ANKRD26: variants seen among roughly 807,000 people sequenced by gnomAD.
ANKRD26 encodes the protein ankyrin repeat domain-containing protein 26.
Under a neutral mutation model 208.7 loss-of-function variants are expected in ANKRD26, and 141 were observed. The ratio of observed to expected loss-of-function variants is 0.68; its 90% CI spans 0.59 to 0.78. The LOEUF (loss-of-function observed/expected upper bound fraction) is 0.78, where lower values mean the gene tolerates loss of function less well. Among genes scored for constraint, ANKRD26 ranks in the 30% least tolerant of loss-of-function variants. The pLI is 0.00. For missense variants in ANKRD26, 1,889 were observed against 1,938.7 expected, an observed-to-expected ratio of 0.97 and a Z score of 0.48; for synonymous variants, 636 against 660.4, an observed-to-expected ratio of 0.96 and a Z score of 0.57.
chr10:27,097,125 T>C (rs1284937102), intron 1 of ANKRD26, among the ~76,000 whole-genome samples: 1 of 151,256 alleles, frequency 6.6e-6, no homozygotes, highest in Non-Finnish European at 1.5e-5. Flanking sequence ...GATGTTGCAT[T>C]GAGCCGAGAT....
intron 5 of ANKRD26, among the ~76,000 whole-genome samples, chr10:26,978,242 GGA>G (rs2052255485): frequency 6.6e-6 from 1 of 151,766 alleles, no homozygotes; most frequent in Admixed American, 6.6e-5. Flanking sequence ...CCTGACGTCA[GGA>G]GTGATCCACC....
intron 19 of ANKRD26, 61 bp downstream of exon 19, chr10:27,044,096 C>T: frequency 8.2e-7 from 1 of 1,220,466 alleles, no homozygotes; most frequent in Non-Finnish European, 1.1e-6. Context: ...GCCCAGCCCA[C>T]TTTATCTTTT....
At chr10:26,957,210 C>T in the ANKRD26 span, among the ~76,000 whole-genome samples, 2 of 152,068 alleles carry the variant, frequency 1.3e-5, no homozygotes, top group African/African-American at 4.8e-5. Context: ...GAGTTCAAGA[C>T]CAGCCTGGGC....
intron 22 of ANKRD26, 118 bp downstream of exon 22, chr10:27,037,753 T>A (rs746438244): frequency 3.6e-6 from 3 of 829,056 alleles, no homozygotes; most frequent in Non-Finnish European, 5.6e-6. Context: ...AGGTCACAGG[T>A]CAGCTTGAGA....
At chr10:27,010,625 A>G (rs1247631355) in intron 32 of ANKRD26, among the ~76,000 whole-genome samples, 6 of 152,096 alleles carry the variant, frequency 3.9e-5, no homozygotes, top group Non-Finnish European at 5.9e-5. Flanking sequence ...CCTCCCAAGA[A>G]GCTGGGACTA....
downstream of ANKRD26, among the ~76,000 whole-genome samples, chr10:26,987,774 TGA>T (rs1233561484): frequency 5.3e-5 from 8 of 152,240 alleles, no homozygotes; most frequent in East Asian, 1.5e-3. Context: ...TTAAGTATGA[TGA>T]GAGTTTAGAA....
At chr10:27,078,947 T>C in intron 7 of ANKRD26, 142 bp downstream of exon 7, 1 of 585,020 alleles carries the variant, frequency 1.7e-6, no homozygotes, top group Non-Finnish European at 3.0e-6. Flanking sequence ...ACTGGCCATA[T>C]TTCTATAAAA....
chr10:27,037,819 T>A, intron 22 of ANKRD26, 52 bp downstream of exon 22: 1 of 1,362,044 alleles, frequency 7.3e-7, no homozygotes, highest in Non-Finnish European at 1.0e-6. Context: ...GATGTGATAA[T>A]AGTGATGAAA....
At position 27,060,527 on chromosome 10, in the gene ANKRD26, TCTCTC is replaced by T; in HGVS notation, c.1471_1475del (p.Glu491IlefsTer9). The stretch of plus-strand genomic sequence containing the variant: ...AACTTATTACCTTCAAGTGAAGATA[TCTCTC>T]AGGAGACTCTAAAAACCAAAAGGGA... On this transcript the variant is annotated frameshift_variant, in exon 14 of 34. Transcript: ENST00000376087. LOFTEE classifies it high-confidence loss of function. 6.5e-7 allele frequency: 1 copy of T among 1,542,432 alleles called. No homozygotes were observed. The highest frequency in any genetic ancestry group is 8.9e-7 in the Non-Finnish European group (1 of 1,118,592).
At chr10:27,017,409 G>GC in intron 30 of ANKRD26, 93 bp downstream of exon 30, 2 of 1,324,058 alleles carry the variant, frequency 1.5e-6, no homozygotes, top group South Asian at 2.4e-5. Context: ...AGAACAAATT[G>GC]CTATAAGGGA....
chr10:27,038,164 T>C, intron 21 of ANKRD26, 110 bp from the exon 22 acceptor site: 1 of 881,544 alleles, frequency 1.1e-6, no homozygotes, highest in Non-Finnish European at 1.7e-6. Context: ...AATTTCTATG[T>C]TCTTGAATAT....
chr10:27,042,798 C>CAAAAAAAAAAAAAA (rs60850386), intron 20 of ANKRD26, among the ~76,000 whole-genome samples: 104 of 48,656 alleles, frequency 2.1e-3, no homozygotes, highest in Non-Finnish European at 3.0e-3. Context: ...CAAAAAAATA[C>CAAAAAAAAAAAAAA]AAAAAAAAAA....
At chr10:27,006,850 G>T in intron 33 of ANKRD26, 67 bp downstream of exon 33, 3 of 1,303,296 alleles carry the variant, frequency 2.3e-6, no homozygotes, top group South Asian at 1.2e-5. Context: ...TCCCACTCAC[G>T]ATTTACAATT....
chr10:27,039,872 G>T, intron 21 of ANKRD26, 93 bp downstream of exon 21: 2 of 1,228,802 alleles, frequency 1.6e-6, no homozygotes, highest in Non-Finnish European at 2.4e-6. Context: ...TTTCTTCCCT[G>T]CTAAGCCCCA....
intron 12 of ANKRD26, among the ~76,000 whole-genome samples, chr10:27,063,048 G>A (rs896002641): frequency 3.3e-5 from 5 of 151,964 alleles, no homozygotes; most frequent in South Asian, 2.1e-4. Context: ...GTGAGCCACC[G>A]TGCCCAGCCT....
At chr10:27,062,345 G>T (rs574487762) in intron 12 of ANKRD26, 1 of 517,210 alleles carries the variant, frequency 1.9e-6, no homozygotes, top group Non-Finnish European at 2.5e-6. Context: ...GTCCAATGAC[G>T]CTTCTTTCAG....
intron 3 of ANKRD26, among the ~76,000 whole-genome samples, chr10:26,983,531 CAT>C (rs956550886): frequency 6.6e-6 from 1 of 152,210 alleles, no homozygotes; most frequent in Non-Finnish European, 1.5e-5. Context: ...GTATCCACCA[CAT>C]GTCTCCTGCA....
chr10:27,042,984 A>C (rs912045532), intron 20 of ANKRD26, among the ~76,000 whole-genome samples: 1 of 151,062 alleles, frequency 6.6e-6, no homozygotes, highest in South Asian at 2.1e-4. Context: ...TAAATCTATA[A>C]AATTTCTAGA....
intron 16 of ANKRD26, among the ~76,000 whole-genome samples, chr10:27,050,244 AAAAGAAAG>A (rs1478461266): frequency 7.5e-6 from 1 of 134,204 alleles, no homozygotes; most frequent in African/African-American, 3.8e-5. Flanking sequence ...AAAAAAAAAA[AAAAGAAAG>A]AAAGAAAGAA....
Sources: gnomAD v4.1 joint callset for allele counts (sites outside exome capture counted in the v4.1 genomes callset) on GRCh38, gnomAD v4.1.1 for gene constraint, MANE v1.5 for transcripts, NCBI Gene and HGNC (gene_info 2026-07-23, HGNC 2026-07-21) for gene names.